Variants in PIK3AP1 observed in about 807,000 individuals in gnomAD.
PIK3AP1 encodes phosphoinositide-3-kinase adaptor protein 1.
PIK3AP1 carries 21 observed loss-of-function variants against 88.1 expected under a neutral mutation model. That is an observed-to-expected ratio of 0.24 (90% CI 0.17 to 0.34). PIK3AP1 has a LOEUF of 0.34. Among genes scored for constraint, PIK3AP1 ranks in the 10% least tolerant of loss-of-function variants. The pLI is 1.00. For synonymous variants in PIK3AP1, 398 were observed against 400.0 expected, an observed-to-expected ratio of 1.00 and a Z score of 0.06; for missense variants, 828 against 1,035.7, an observed-to-expected ratio of 0.80 and a Z score of 2.75.
At chr10:96,608,555 T>C (rs968753066) in intron 14 of PIK3AP1, among the ~76,000 whole-genome samples, 9 of 152,218 alleles carry the variant, frequency 5.9e-5, no homozygotes, top group Non-Finnish European at 1.3e-4. Context: ...CTATGTAACC[T>C]TGGGCAAAAT....
intron 8 of PIK3AP1, among the ~76,000 whole-genome samples, chr10:96,628,875 C>CAGACACACATATATACATATATATAT (rs1564961141): frequency 1.1e-5 from 1 of 90,910 alleles, no homozygotes; most frequent in African/African-American, 4.4e-5. Flanking sequence ...CATATATACA[C>CAGACACACATATATACATATATATAT]ATATATATAT....
intron 1 of PIK3AP1, among the ~76,000 whole-genome samples, chr10:96,719,933 C>G (rs750085974): frequency 6.6e-6 from 1 of 152,204 alleles, no homozygotes; most frequent in Non-Finnish European, 1.5e-5. Flanking sequence ...AGGGCCTCCC[C>G]GGCTGATCTC....
intron 2 of PIK3AP1, among the ~76,000 whole-genome samples, chr10:96,665,565 T>C (rs967745272): frequency 2.0e-5 from 3 of 152,228 alleles, no homozygotes; most frequent in Non-Finnish European, 4.4e-5. Context: ...AGAAAGTCCT[T>C]AGATACGTTC....
rs530823130 is a variant in PIK3AP1 at position 96,603,799 on chromosome 10, G to A, written c.2241+180C>T. On this transcript the variant is annotated intron_variant, in intron 15 of 16. Transcript: ENST00000339364. ...TTTCTTCCCATTCCTCCTCCCTCCAGCCGCTGGCAACCACCAATCTTCAAA... is the reference window on the plus strand; with the variant it reads ...TTTCTTCCCATTCCTCCTCCCTCCAACCGCTGGCAACCACCAATCTTCAAA... The A allele has an allele frequency of 5.8e-5, 34 of 587,068 alleles. No individual in the cohort carries two copies. In the Admixed American group the frequency reaches 1.1e-3, roughly 19 times the overall value. The allele number at this position is 587,068 out of a possible 1,614,324, so 36.4% of individuals were successfully genotyped here. A position where few individuals can be genotyped will look rare whatever the true frequency, so the allele number is the denominator to read the frequency against.
chr10:96,668,554 A>G (rs1276104548), intron 2 of PIK3AP1, among the ~76,000 whole-genome samples: 1 of 152,228 alleles, frequency 6.6e-6, no homozygotes, highest in Middle Eastern at 3.2e-3. Context: ...ATAAGTTTCA[A>G]CTGAGAATTA....
At chr10:96,692,768 T>C (rs1844171339) in intron 2 of PIK3AP1, among the ~76,000 whole-genome samples, 1 of 152,232 alleles carries the variant, frequency 6.6e-6, no homozygotes, top group African/African-American at 2.4e-5. Context: ...AATTAGCCTA[T>C]AGCTGAAATT....
intron 2 of PIK3AP1, among the ~76,000 whole-genome samples, chr10:96,671,223 C>G (rs183927272): frequency 6.6e-5 from 10 of 152,326 alleles, no homozygotes; most frequent in African/African-American, 2.2e-4. Context: ...AGCCTTTGCT[C>G]TACTGAAAAT....
chr10:96,678,317 T>A (rs905855742), intron 2 of PIK3AP1, among the ~76,000 whole-genome samples: 1 of 151,936 alleles, frequency 6.6e-6, no homozygotes, highest in Non-Finnish European at 1.5e-5. Flanking sequence ...CACCTGTAGT[T>A]CCAGCTACTA....
At chr10:96,623,937 T>C (rs1284258706) in intron 10 of PIK3AP1, among the ~76,000 whole-genome samples, 1 of 152,190 alleles carries the variant, frequency 6.6e-6, no homozygotes, top group African/African-American at 2.4e-5. Context: ...CAGCAAAATG[T>C]GTGCACAGCT....
At chr10:96,624,868 T>C (rs1353461514) in intron 10 of PIK3AP1, among the ~76,000 whole-genome samples, 1 of 152,142 alleles carries the variant, frequency 6.6e-6, no homozygotes, top group African/African-American at 2.4e-5. Flanking sequence ...TGTGCCCCTG[T>C]CCAAACACCT....
intron 2 of PIK3AP1, among the ~76,000 whole-genome samples, chr10:96,679,366 A>T: frequency 6.6e-6 from 1 of 152,026 alleles, no homozygotes; most frequent in East Asian, 1.9e-4. Flanking sequence ...CGCCTCTACT[A>T]AAAATACAAA....
At chr10:96,652,885 C>A (rs1350894465) in intron 3 of PIK3AP1, 43 bp from the exon 4 acceptor site, 3 of 1,598,280 alleles carry the variant, frequency 1.9e-6, no homozygotes, top group Non-Finnish European at 2.6e-6. Flanking sequence ...CCTCTCAGAT[C>A]CCCGTAGGGT....
intron 2 of PIK3AP1, among the ~76,000 whole-genome samples, chr10:96,674,662 A>G (rs1843892579): frequency 1.3e-5 from 2 of 152,206 alleles, no homozygotes; most frequent in Admixed American, 1.3e-4. Context: ...GATAAGACCA[A>G]CCACCTAAGT....
At position 96,709,835 on chromosome 10, in the gene PIK3AP1, C is replaced by T. The variant is rs769232602; in HGVS notation, c.162G>A (p.Ser54=). 3 of 1,613,962 alleles carry T rather than the reference C, an allele frequency of 1.9e-6. No individual in the cohort carries two copies. Among genetic ancestry groups the T allele is most frequent in the Admixed American group, 1.7e-5 (1 of 60,020 alleles). ...TGAGGAAAAGGCTTAGGTCCTCTGC[C>T]GAGAAGGAGGCCTCGGGGCCCAGCC... is the stretch of plus-strand genomic sequence containing the variant. ...THRLGPEASF[S]AEDLSLFLST... The change falls in exon 2 of 17, where the codon TCG becomes TCA. Residue 54 remains serine, a synonymous_variant. Transcript: ENST00000339364.
At chr10:96,671,957 G>A (rs1843852991) in intron 2 of PIK3AP1, among the ~76,000 whole-genome samples, 1 of 152,070 alleles carries the variant, frequency 6.6e-6, no homozygotes, top group African/African-American at 2.4e-5. Flanking sequence ...AGGCTCACCT[G>A]AGCCCAAGGA....
intron 2 of PIK3AP1, among the ~76,000 whole-genome samples, chr10:96,709,148 A>AC (rs1844405250): frequency 3.3e-5 from 5 of 150,188 alleles, no homozygotes; most frequent in Non-Finnish European, 5.9e-5. Context: ...AAAAAAAAAA[A>AC]AACCCTTTTT....
At chr10:96,711,826 C>G (rs1338999109) in intron 1 of PIK3AP1, among the ~76,000 whole-genome samples, 2 of 137,358 alleles carry the variant, frequency 1.5e-5, no homozygotes, top group Non-Finnish European at 3.0e-5. Context: ...TCTCGGTTCA[C>G]TGCAAGCTCC....
At chr10:96,644,510 A>G (rs1267017020) in intron 8 of PIK3AP1, among the ~76,000 whole-genome samples, 1 of 152,224 alleles carries the variant, frequency 6.6e-6, no homozygotes, top group Non-Finnish European at 1.5e-5. Context: ...CAACTCAGTT[A>G]AAGATTCCTA....
chr10:96,710,393 T>A (rs892043304), intron 1 of PIK3AP1, among the ~76,000 whole-genome samples: 4 of 152,052 alleles, frequency 2.6e-5, no homozygotes, highest in Non-Finnish European at 5.9e-5. Context: ...AGCTAATTTT[T>A]GTAGTTTTAG....
Sources: gnomAD v4.1 joint callset for allele counts (sites outside exome capture counted in the v4.1 genomes callset) on GRCh38, gnomAD v4.1.1 for gene constraint, MANE v1.5 for transcripts, NCBI Gene and HGNC (gene_info 2026-07-23, HGNC 2026-07-21) for gene names.